SH3GL2: variants seen among roughly 807,000 people sequenced by gnomAD.
SH3GL2 encodes the protein endophilin-A1.
In SH3GL2, 24 loss-of-function variants were observed where a neutral mutation model predicts 46.0. The ratio of observed to expected loss-of-function variants is 0.52; its 90% confidence interval spans 0.38 to 0.73. The LOEUF is 0.73. Among genes scored for constraint, SH3GL2 ranks in the 30% least tolerant of loss-of-function variants. The pLI is 0.00. For synonymous variants in SH3GL2, 196 were observed against 147.1 expected (o/e 1.33, Z -2.40); for missense variants, 413 against 424.2 (o/e 0.97, Z 0.23).
rs1822426352 is a variant in SH3GL2, at chr9:17,738,626, T to TTATATATATATATG, written c.46-8427_46-8426insGTATATATATATAT. On this transcript the variant is annotated intron_variant, in intron 1 of 8. Transcript: ENST00000380607. ...TTTCAAGGAATTGCCTCATGTGATTTTATATATATATATATAGAGAGAGAG... is the reference window on the plus strand; with the variant it reads ...TTTCAAGGAATTGCCTCATGTGATTTTATATATATATATGTATATATATATATATAGAGAGAGAG... Among the ~76,000 whole-genome samples, 2 of 74,814 alleles carry TTATATATATATATG rather than the reference T, an allele frequency of 2.7e-5. 1 individual carries two copies. Among genetic ancestry groups the TTATATATATATATG allele is most frequent in the African/African-American group, 1.0e-4 (2 of 19,464 alleles). 49.1% of individuals were successfully genotyped at this position (74,814 alleles called of 152,430 possible).
intron 1 of SH3GL2, among the ~76,000 whole-genome samples, chr9:17,627,620 A>C (rs1407169660): frequency 6.6e-6 from 1 of 152,218 alleles, no homozygotes; most frequent in African/African-American, 2.4e-5. Context: ...ATGAATTGCT[A>C]TGAATATAGT....
intron 1 of SH3GL2, among the ~76,000 whole-genome samples, chr9:17,647,429 G>GTCTCTC (rs200175813): frequency 4.4e-5 from 4 of 91,692 alleles, no homozygotes; most frequent in Non-Finnish European, 1.1e-4. Context: ...CTCTCTCTCT[G>GTCTCTC]TCTCTCTCTC....
intron 1 of SH3GL2, among the ~76,000 whole-genome samples, chr9:17,658,218 C>G (rs1820136040): frequency 6.6e-6 from 1 of 152,146 alleles, no homozygotes; most frequent in East Asian, 1.9e-4. Flanking sequence ...ATTAAAAACC[C>G]CAGTCTAGAG....
At chr9:17,774,282 T>G (rs368848759) in intron 3 of SH3GL2, among the ~76,000 whole-genome samples, 3 of 152,146 alleles carry the variant, frequency 2.0e-5, no homozygotes, top group South Asian at 4.1e-4. Context: ...TTGGATTCCT[T>G]TTTCTTACCA....
intron 1 of SH3GL2, among the ~76,000 whole-genome samples, chr9:17,602,065 C>A (rs1818682168): frequency 6.6e-6 from 1 of 152,206 alleles, no homozygotes; most frequent in African/African-American, 2.4e-5. Context: ...GTCTCTCCCA[C>A]CTTCTGAAAA....
At chr9:17,738,641 T>TAGAGAGAG (rs1554645334) in intron 1 of SH3GL2, among the ~76,000 whole-genome samples, 22 of 88,868 alleles carry the variant, frequency 2.5e-4, no homozygotes, top group South Asian at 9.8e-4. Flanking sequence ...TATATATATA[T>TAGAGAGAG]AGAGAGAGAG....
chr9:17,717,262 G>C (rs1563824959), intron 1 of SH3GL2, among the ~76,000 whole-genome samples: 1 of 152,136 alleles, frequency 6.6e-6, no homozygotes, highest in Non-Finnish European at 1.5e-5. Flanking sequence ...ATGTTGGGCA[G>C]CTCTCCCTTT....
intron 1 of SH3GL2, among the ~76,000 whole-genome samples, chr9:17,608,072 A>G (rs532786925): frequency 7.3e-5 from 11 of 151,578 alleles, no homozygotes; most frequent in African/African-American, 2.7e-4. Context: ...TTGCACTTGT[A>G]TATATAAACA....
chr9:17,696,182 C>CTT (rs59248549), intron 1 of SH3GL2, among the ~76,000 whole-genome samples: 10 of 151,408 alleles, frequency 6.6e-5, no homozygotes, highest in Admixed American at 4.6e-4. Context: ...CTAAAGAGGA[C>CTT]TTTTTTTTTC....
chr9:17,788,077 CTT>C (rs1411823632), intron 5 of SH3GL2, among the ~76,000 whole-genome samples: 2 of 152,094 alleles, frequency 1.3e-5, no homozygotes, highest in Admixed American at 1.3e-4. Flanking sequence ...GTTCATATGT[CTT>C]TGAGTGTGGA....
At chr9:17,650,733 G>T (rs1273820647) in intron 1 of SH3GL2, among the ~76,000 whole-genome samples, 1 of 152,204 alleles carries the variant, frequency 6.6e-6, no homozygotes, top group Non-Finnish European at 1.5e-5. Context: ...AAGCCGACCT[G>T]AATACATTAT....
intron 2 of SH3GL2, among the ~76,000 whole-genome samples, chr9:17,758,372 C>T (rs1823063875): frequency 1.3e-5 from 2 of 151,634 alleles, no homozygotes; most frequent in Admixed American, 6.6e-5. Context: ...ACCAGCCTGA[C>T]CAACATGGCA....
At chr9:17,674,972 G>A (rs1237885401) in intron 1 of SH3GL2, among the ~76,000 whole-genome samples, 1 of 152,200 alleles carries the variant, frequency 6.6e-6, no homozygotes, top group African/African-American at 2.4e-5. Flanking sequence ...ATCTAGATAG[G>A]AGGAGCCACC....
chr9:17,631,966 T>G (rs1041852010), intron 1 of SH3GL2, among the ~76,000 whole-genome samples: 2 of 152,176 alleles, frequency 1.3e-5, no homozygotes, highest in African/African-American at 4.8e-5. Context: ...AAAGTCTTAA[T>G]TTTCTTGGCA....
chr9:17,700,918 A>G (rs1016870010), intron 1 of SH3GL2, among the ~76,000 whole-genome samples: 9 of 152,232 alleles, frequency 5.9e-5, no homozygotes. Context: ...GAGTAGCAGA[A>G]GAACTCATCT....
At position 17,579,130 on chromosome 9, in the gene SH3GL2, C is replaced by A. The variant is rs192518173; in HGVS notation, c.-113C>A. 3.1e-6 allele frequency: 2 copies of A among 643,048 alleles called. No individual in the cohort carries two copies. Among genetic ancestry groups the A allele is most frequent in the African/African-American group, 2.0e-5 (1 of 51,014 alleles). 39.8% of individuals were successfully genotyped at this position (643,048 alleles called of 1,614,324 possible). On this transcript the variant is annotated 5_prime_UTR_variant, in exon 1 of 9. Coordinates refer to ENST00000380607, the MANE Select transcript of SH3GL2 (RefSeq NM_003026.5). ...CTCCGCGCCCTCGCGCCCATAGCCC[C>A]GGCGGCGGCACGACCAGAGGCGGCC...
intron 1 of SH3GL2, among the ~76,000 whole-genome samples, chr9:17,734,549 A>T (rs547873540): frequency 6.6e-5 from 10 of 152,278 alleles, no homozygotes; most frequent in African/African-American, 2.4e-4. Context: ...TAAGTAGCAC[A>T]CAATGTCCAT....
intron 2 of SH3GL2, among the ~76,000 whole-genome samples, chr9:17,751,818 G>T (rs1588301272): frequency 6.6e-6 from 1 of 152,250 alleles, no homozygotes; most frequent in African/African-American, 2.4e-5. Context: ...GGTGTGATGG[G>T]AAAGGAGGAG....
At chr9:17,642,882 A>T (rs1819718910) in intron 1 of SH3GL2, among the ~76,000 whole-genome samples, 1 of 152,130 alleles carries the variant, frequency 6.6e-6, no homozygotes, top group Admixed American at 6.5e-5. Flanking sequence ...TAATTCTGTG[A>T]ATTTTCTAAT....
Sources: allele counts gnomAD v4.1 joint callset (sites outside exome capture counted in the v4.1 genomes callset), GRCh38; gene constraint gnomAD v4.1.1; transcripts MANE v1.5; gene names NCBI Gene and HGNC (gene_info 2026-07-23, HGNC 2026-07-21).